KDM4C: variants seen among roughly 807,000 people sequenced by gnomAD.
KDM4C encodes the protein lysine demethylase 4C.
KDM4C carries 81 observed loss-of-function variants against 129.3 expected under a neutral mutation model. The ratio of observed to expected loss-of-function variants is 0.63; its 90% confidence interval spans 0.52 to 0.75. KDM4C has a LOEUF of 0.75. Ranked by LOEUF, KDM4C falls within the 30% of genes least tolerant of loss-of-function variation. The pLI is 0.00. For missense variants in KDM4C, 1,457 were observed against 1,304.0 expected (o/e 1.12, Z -1.81); for synonymous variants, 573 against 456.1 (o/e 1.26, Z -3.26).
chr9:6,848,424 T>C (rs1161250050), intron 4 of KDM4C, among the ~76,000 whole-genome samples: 3 of 152,008 alleles, frequency 2.0e-5, no homozygotes, highest in Admixed American at 6.6e-5. Context: ...CTCAGCACTT[T>C]GGGAGGCCGA....
intron 8 of KDM4C, among the ~76,000 whole-genome samples, chr9:6,930,604 TA>T (rs1186139251): frequency 7.3e-6 from 1 of 136,380 alleles, no homozygotes; most frequent in Non-Finnish European, 1.7e-5. Flanking sequence ...ATGTATATAA[TA>T]AAACATGTTA....
At position 7,017,882 on chromosome 9, in the gene KDM4C, G is replaced by A. The variant is rs10118513; in HGVS notation, c.2259+1953G>A. On this transcript the variant is annotated intron_variant, in intron 15 of 21. Coordinates refer to ENST00000381309, the MANE Select transcript of KDM4C (RefSeq NM_015061.6). ...TTAGTTCTCAGTAAGTCTGAGAGTG[G>A]TGTCTTTCTGGATGATTTTATTGCT... Among the ~76,000 whole-genome samples, 944 of 152,244 alleles carry A rather than the reference G, an allele frequency of 6.2e-3. 9 individuals carry two copies. The highest frequency in any genetic ancestry group is 0.022 in the African/African-American group (911 of 41,538).
At chr9:7,034,763 A>G (rs574656610) in intron 15 of KDM4C, among the ~76,000 whole-genome samples, 1 of 152,330 alleles carries the variant, frequency 6.6e-6, no homozygotes, top group African/African-American at 2.4e-5. Flanking sequence ...ATTGTTCTCC[A>G]TGGTGGCTTT....
intron 19 of KDM4C, among the ~76,000 whole-genome samples, chr9:7,129,319 C>T (rs993158446): frequency 5.3e-5 from 8 of 152,176 alleles, no homozygotes; most frequent in Non-Finnish European, 7.3e-5. Flanking sequence ...ACTTACCTCT[C>T]TCTATGCTGG....
intron 19 of KDM4C, among the ~76,000 whole-genome samples, chr9:7,157,104 T>C (rs1042254815): frequency 2.0e-5 from 3 of 152,238 alleles, no homozygotes; most frequent in Non-Finnish European, 4.4e-5. Context: ...TATTTTATTT[T>C]CTTTGTAGCA....
chr9:6,980,692 T>C (rs181192979), intron 8 of KDM4C, among the ~76,000 whole-genome samples: 2 of 152,298 alleles, frequency 1.3e-5, no homozygotes, highest in Admixed American at 1.3e-4. Flanking sequence ...TAGTACATAG[T>C]TCCCTGTGAG....
At chr9:6,757,890 C>CT, upstream of KDM4C, 1 of 985,496 alleles carries the variant, frequency 1.0e-6, no homozygotes, top group African/African-American at 1.7e-5. Flanking sequence ...TGCCGGGCAC[C>CT]TTTAAGCTGT....
In KDM4C at chr9:6,945,835, C is replaced by G. The variant is rs151145495; in HGVS notation, c.922-35090C>G. Among the ~76,000 whole-genome samples the G allele has an allele frequency of 3.2e-3, 483 of 152,210 alleles. 2 individuals carry two copies. The highest frequency in any genetic ancestry group is 0.01 in the African/African-American group (429 of 41,540). On this transcript the variant is annotated intron_variant, in intron 8 of 21. Transcript: ENST00000381309. ...AATGTGTTTTTAATGTTTGCTTAAA[C>G]TTTTCCTGGTCATGGAAGGGACTGG...
At chr9:7,104,749 A>G (rs1387495169) in intron 18 of KDM4C, among the ~76,000 whole-genome samples, 1 of 152,152 alleles carries the variant, frequency 6.6e-6, no homozygotes, top group Non-Finnish European at 1.5e-5. Context: ...TCCCTGAGAG[A>G]CTTGGCCACA....
chr9:6,929,985 C>G (rs1823370760), intron 8 of KDM4C, among the ~76,000 whole-genome samples: 1 of 152,028 alleles, frequency 6.6e-6, no homozygotes, highest in Non-Finnish European at 1.5e-5. Flanking sequence ...GTTGATGAGT[C>G]CTGAGGGTCT....
At chr9:6,738,082 G>A (rs1185136054) in intron 1 of KDM4C, among the ~76,000 whole-genome samples, 2 of 151,420 alleles carry the variant, frequency 1.3e-5, no homozygotes, top group African/African-American at 2.4e-5. Flanking sequence ...TGCAGTGAGG[G>A]AGATCACACC....
chr9:6,923,581 G>C (rs1322588784), intron 8 of KDM4C, among the ~76,000 whole-genome samples: 2 of 152,128 alleles, frequency 1.3e-5, no homozygotes, highest in African/African-American at 4.8e-5. Flanking sequence ...CTTATTTGCC[G>C]AGGGATCATC....
At chr9:7,171,681 G>A (rs1326208393) in intron 21 of KDM4C, among the ~76,000 whole-genome samples, 2 of 152,118 alleles carry the variant, frequency 1.3e-5, no homozygotes, top group Non-Finnish European at 2.9e-5. Flanking sequence ...TTCATACTCT[G>A]ATCACAATCT....
chr9:6,872,113 C>G (rs1427258069), intron 5 of KDM4C, among the ~76,000 whole-genome samples: 6 of 151,966 alleles, frequency 3.9e-5, no homozygotes, highest in South Asian at 4.2e-4. Context: ...CTTAGTCCAG[C>G]CTATAGGGAG....
At chr9:6,782,236 G>A (rs577364039) in intron 1 of KDM4C, among the ~76,000 whole-genome samples, 1 of 152,312 alleles carries the variant, frequency 6.6e-6, no homozygotes, top group Non-Finnish European at 1.5e-5. Context: ...TTGTCAGTTG[G>A]TGGGGAGTGT....
intron 18 of KDM4C, among the ~76,000 whole-genome samples, chr9:7,125,272 G>A (rs183062062): frequency 3.5e-4 from 53 of 152,266 alleles, no homozygotes; most frequent in Non-Finnish European, 1.5e-4. Flanking sequence ...GTCCTTGATT[G>A]TGTTCTTCCC....
intron 19 of KDM4C, among the ~76,000 whole-genome samples, chr9:7,154,466 G>A (rs999109817): frequency 4.6e-5 from 7 of 152,214 alleles, no homozygotes; most frequent in Admixed American, 1.3e-4. Context: ...GTAGTGATGG[G>A]GGTGGGGATA....
chr9:6,994,712 A>G (rs1819382378), intron 12 of KDM4C, among the ~76,000 whole-genome samples: 1 of 152,240 alleles, frequency 6.6e-6, no homozygotes, highest in African/African-American at 2.4e-5. Flanking sequence ...GTCATATTAA[A>G]AGAAAAATGT....
intron 17 of KDM4C, among the ~76,000 whole-genome samples, chr9:7,056,539 G>A (rs568879082): frequency 6.6e-6 from 1 of 152,302 alleles, no homozygotes; most frequent in East Asian, 1.9e-4. Context: ...GAAGGCTGTA[G>A]ATGTCTATAG....
Sources: allele counts gnomAD v4.1 joint callset (sites outside exome capture counted in the v4.1 genomes callset), GRCh38; gene constraint gnomAD v4.1.1; transcripts MANE v1.5; gene names NCBI Gene and HGNC (gene_info 2026-07-23, HGNC 2026-07-21).